KLRF2: variants seen among roughly 807,000 people sequenced by gnomAD.
KLRF2 encodes the protein killer cell lectin-like receptor subfamily F member 2.
A neutral mutation model predicts 25.3 loss-of-function variants in KLRF2; 28 were observed. The observed-to-expected ratio is 1.11, with a 90% CI of 0.82 to 1.52. The LOEUF is 1.52. KLRF2 is among the 40% of genes most tolerant of loss of function. The probability of loss-of-function intolerance (pLI) is 0.00; values close to 1 mark genes in which losing one functional copy is unlikely to be tolerated. For synonymous variants in KLRF2, 73 were observed against 85.0 expected, an observed-to-expected ratio of 0.86 and a Z score of 0.78; for missense variants, 265 against 245.8, an observed-to-expected ratio of 1.08 and a Z score of -0.52.
chr12:9,885,543 A>G (rs1404232360), intron 2 of KLRF2, among the ~76,000 whole-genome samples: 1 of 151,792 alleles, frequency 6.6e-6, no homozygotes, highest in African/African-American at 2.4e-5. Context: ...CAGGAAATAG[A>G]TTTTGGGGGC....
intron 2 of KLRF2, 93 bp from the exon 3 acceptor site, chr12:9,888,640 G>C (rs546250465): frequency 4.2e-5 from 28 of 670,008 alleles, no homozygotes; most frequent in Admixed American, 7.1e-5. Context: ...TTATTAGTAT[G>C]CCTTCATTTT....
intron 1 of KLRF2, among the ~76,000 whole-genome samples, chr12:9,883,674 C>T (rs1198455416): frequency 6.6e-6 from 1 of 152,120 alleles, no homozygotes; most frequent in African/African-American, 2.4e-5. Context: ...TTTGCTTGAA[C>T]AGCAGAAATA....
intron 3 of KLRF2, 71 bp downstream of exon 3, chr12:9,888,851 G>A (rs17806628): frequency 0.022 from 19,081 of 866,472 alleles, 267 homozygotes; most frequent in Middle Eastern, 0.046. Context: ...TCTTCCTGGC[G>A]TTCACCCATG....
At chr12:9,886,229 A>C (rs1370333837) in intron 2 of KLRF2, among the ~76,000 whole-genome samples, 1 of 152,096 alleles carries the variant, frequency 6.6e-6, no homozygotes, top group Admixed American at 6.6e-5. Flanking sequence ...GTTTCTATAA[A>C]ATTTGTCCTT....
At chr12:9,886,078 C>A (rs1241419361) in intron 2 of KLRF2, among the ~76,000 whole-genome samples, 1 of 151,968 alleles carries the variant, frequency 6.6e-6, no homozygotes, top group Non-Finnish European at 1.5e-5. Flanking sequence ...ATAAATAATG[C>A]AATAATTATT....
rs1251488371 is a variant in KLRF2, at chr12:9,893,140, T to C, written c.338T>C (p.Leu113Ser). The C allele has an allele frequency of 6.5e-7, 1 of 1,533,124 alleles. No homozygotes were observed. The highest frequency in any genetic ancestry group is 8.7e-7 in the Non-Finnish European group (1 of 1,145,306). The allele number at this position is 1,533,124 out of a possible 1,614,324, so 95.0% of individuals were successfully genotyped here. The change falls in exon 4 of 6, where the codon TTA becomes TCA. Residue 113 changes from leucine to serine, a missense_variant. Coordinates refer to ENST00000535540, the MANE Select transcript of KLRF2 (RefSeq NM_001190765.1). ...GATTGTACACAGCTACAGGCACATT[T>C]ACTGGTGATTCAAAATTTGGATGAG... ...QRDCTQLQAHLLVIQNLDELE... is the reference protein window; with the variant it reads ...QRDCTQLQAHSLVIQNLDELE...
intron 2 of KLRF2, 62 bp from the exon 3 acceptor site, chr12:9,888,671 T>G: frequency 1.1e-6 from 1 of 933,286 alleles, no homozygotes; most frequent in South Asian, 1.4e-5. Context: ...TTTATTCTCA[T>G]GTACCTAGAT....
intron 2 of KLRF2, among the ~76,000 whole-genome samples, chr12:9,887,427 T>C (rs1201307494): frequency 6.6e-6 from 1 of 152,208 alleles, no homozygotes; most frequent in Non-Finnish European, 1.5e-5. Flanking sequence ...AAGATTCTAC[T>C]GGAGCAATGC....
rs1354697649 is a variant in KLRF2, at chr12:9,886,815, T to G, written c.169+1783T>G. Reference sequence around the variant, plus strand: ...GAACTCTCTAAAACAGTGAGATATATAGATAGAGCCAGGTAGAGCTCCTGA... The same window carrying G: ...GAACTCTCTAAAACAGTGAGATATAGAGATAGAGCCAGGTAGAGCTCCTGA... On this transcript the variant is annotated intron_variant, in intron 2 of 5. Transcript: ENST00000535540. Among the ~76,000 whole-genome samples the G allele has an allele frequency of 2.1e-5, 3 of 143,348 alleles. No homozygotes were observed. In the East Asian group the frequency reaches 6.1e-4, roughly 29 times the overall value. 94.0% of individuals were successfully genotyped at this position (143,348 alleles called of 152,430 possible).
At chr12:9,888,639 T>C (rs762537638) in intron 2 of KLRF2, 94 bp from the exon 3 acceptor site, 3 of 666,078 alleles carry the variant, frequency 4.5e-6, no homozygotes, top group Non-Finnish European at 7.8e-6. Context: ...TTTATTAGTA[T>C]GCCTTCATTT....
chr12:9,882,316 T>C (rs180833348), intron 1 of KLRF2, among the ~76,000 whole-genome samples: 1 of 152,312 alleles, frequency 6.6e-6, no homozygotes, highest in East Asian at 1.9e-4. Flanking sequence ...TCATTTTATA[T>C]CTAGCAAATG....
intron 3 of KLRF2, 66 bp downstream of exon 3, chr12:9,888,846 C>G: frequency 1.1e-6 from 1 of 934,364 alleles, no homozygotes; most frequent in Non-Finnish European, 1.7e-6. Context: ...TTCCCTCTTC[C>G]TGGCGTTCAC....
chr12:9,894,119 C>CTTTT (rs758422634), intron 5 of KLRF2, among the ~76,000 whole-genome samples: 4 of 95,116 alleles, frequency 4.2e-5, no homozygotes, highest in Non-Finnish European at 6.3e-5. Context: ...CTTTTTCTTT[C>CTTTT]TTTTCTTTCT....
At position 9,893,204 on chromosome 12, in the gene KLRF2, A is replaced by C. The variant is rs557091804; in HGVS notation, c.366+36A>C. ...AAAAACAGGATCTAACTGCACAAGGAAAAATGGCTTAGGTGCAAGTTCACT... is the reference window on the plus strand; with the variant it reads ...AAAAACAGGATCTAACTGCACAAGGCAAAATGGCTTAGGTGCAAGTTCACT... On this transcript the variant is annotated intron_variant, in intron 4 of 5. Coordinates refer to ENST00000535540, the MANE Select transcript of KLRF2 (RefSeq NM_001190765.1). The C allele has an allele frequency of 9.8e-5, 148 of 1,508,454 alleles. 1 individual carries two copies. The South Asian group carries it at 1.7e-3, about 18-fold the overall frequency. The allele number at this position is 1,508,454 out of a possible 1,614,324, so 93.4% of individuals were successfully genotyped here.
rs1261627283 is a variant in KLRF2 at position 9,895,696 on chromosome 12, G to T, written c.487G>T (p.Val163Leu). The change falls in exon 6 of 6, where the codon GTG becomes TTG. Residue 163 changes from valine to leucine, a missense_variant. Physicochemically the swap from Val to Leu is conservative, Grantham distance 32. Coordinates refer to ENST00000535540, the MANE Select transcript of KLRF2 (RefSeq NM_001190765.1). ...CTGTCCTTTGTCTCTTAGGTTTTCA[G>T]TGATTGGACCAACTGATGACAGGAG... is the stretch of plus-strand genomic sequence containing the variant. Reference protein sequence around the residue: ...EHFLVPELFSVIGPTDDRSCA... With the variant: ...EHFLVPELFSLIGPTDDRSCA... The T allele has an allele frequency of 6.5e-7, 1 of 1,530,408 alleles. No individual in the cohort carries two copies. The highest frequency in any genetic ancestry group is 8.7e-7 in the Non-Finnish European group (1 of 1,145,206). The allele number at this position is 1,530,408 out of a possible 1,614,324, so 94.8% of individuals were successfully genotyped here.
At chr12:9,892,899 T>G in intron 3 of KLRF2, 121 bp from the exon 4 acceptor site, 1 of 798,206 alleles carries the variant, frequency 1.3e-6, no homozygotes. Context: ...TCCTTTTTAT[T>G]GACCAAAAAA....
chr12:9,894,151 T>TCTCC (rs1395540481), intron 5 of KLRF2, among the ~76,000 whole-genome samples: 1 of 147,470 alleles, frequency 6.8e-6, no homozygotes, highest in African/African-American at 2.5e-5. Flanking sequence ...TCTCTCTCTC[T>TCTCC]CTCCCTCCCT....
At chr12:9,885,990 G>A (rs1334106425) in intron 2 of KLRF2, among the ~76,000 whole-genome samples, 2 of 152,012 alleles carry the variant, frequency 1.3e-5, no homozygotes, top group Admixed American at 1.3e-4. Flanking sequence ...GTTAGACACT[G>A]AGTATGACCT....
chr12:9,890,271 A>C (rs1862660578), intron 3 of KLRF2, among the ~76,000 whole-genome samples: 1 of 152,198 alleles, frequency 6.6e-6, no homozygotes, highest in Non-Finnish European at 1.5e-5. Flanking sequence ...GCAGTTTTAC[A>C]ACATATACTT....
Sources: gnomAD v4.1 joint callset for allele counts (sites outside exome capture counted in the v4.1 genomes callset) on GRCh38, gnomAD v4.1.1 for gene constraint, MANE v1.5 for transcripts, NCBI Gene and HGNC (gene_info 2026-07-23, HGNC 2026-07-21) for gene names.